ARHGEF38: variants seen among roughly 807,000 people sequenced by gnomAD.
The protein encoded by ARHGEF38 is Rho guanine nucleotide exchange factor 38, also known as Rho guanine nucleotide exchange factor (GEF) 38.
In ARHGEF38, 79 loss-of-function variants were observed where a neutral mutation model predicts 79.9. That is an observed-to-expected ratio of 0.99 (90% CI 0.82 to 1.19). ARHGEF38 has a LOEUF of 1.19. Ranked by LOEUF, ARHGEF38 falls within the 50% of genes most tolerant of loss-of-function variation. ARHGEF38 has a pLI of 0.00. For missense variants in ARHGEF38, 962 were observed against 907.2 expected (o/e 1.06, Z -0.78); for synonymous variants, 366 against 328.3 (o/e 1.11, Z -1.24).
chr4:105,682,226 G>T (rs1302473841), downstream of ARHGEF38, among the ~76,000 whole-genome samples: 3 of 152,142 alleles, frequency 2.0e-5, no homozygotes, highest in African/African-American at 7.2e-5. Context: ...AAAATCCATT[G>T]ATATGAGAAA....
chr4:105,635,898 A>G (rs1465249267), intron 4 of ARHGEF38, among the ~76,000 whole-genome samples: 2 of 152,110 alleles, frequency 1.3e-5, no homozygotes, highest in Non-Finnish European at 2.9e-5. Context: ...TCACTCATAT[A>G]GCATGTCTGG....
In ARHGEF38 at chr4:105,631,224, T is replaced by C. The variant is rs376484696; in HGVS notation, c.656+179T>C. On this transcript the variant is annotated intron_variant, in intron 4 of 13. Transcript: ENST00000420470. ...TGCCAGAAGCCCTGATTGACTTTTT[T>C]TCCCCCTGCGAGAATGACTAAAAAT... 315 of 1,253,000 alleles carry C rather than the reference T, an allele frequency of 2.5e-4. 1 individual carries two copies. The highest frequency in any genetic ancestry group is 6.8e-5 in the Non-Finnish European group (68 of 999,970). 77.6% of individuals were successfully genotyped at this position (1,253,000 alleles called of 1,614,324 possible).
At chr4:105,672,726 T>G (rs181594232) in intron 13 of ARHGEF38, among the ~76,000 whole-genome samples, 1 of 152,324 alleles carries the variant, frequency 6.6e-6, no homozygotes, top group African/African-American at 2.4e-5. Flanking sequence ...AGCTGCAATC[T>G]AGCTGTTTGC....
At chr4:105,605,314 G>A (rs998689882) in intron 2 of ARHGEF38, among the ~76,000 whole-genome samples, 1 of 152,098 alleles carries the variant, frequency 6.6e-6, no homozygotes, top group African/African-American at 2.4e-5. Context: ...TTCCAGGGCT[G>A]TTGGACTTCT....
chr4:105,557,177 T>A (rs1725290115), intron 1 of ARHGEF38, among the ~76,000 whole-genome samples: 1 of 152,134 alleles, frequency 6.6e-6, no homozygotes, highest in South Asian at 2.1e-4. Flanking sequence ...ATTTAAATAG[T>A]TATACAGAAC....
rs182820372 is a variant in ARHGEF38, at chr4:105,642,555, T to G, written c.675-2633T>G. On this transcript the variant is annotated intron_variant, in intron 5 of 13. Coordinates refer to ENST00000420470, the MANE Select transcript of ARHGEF38 (RefSeq NM_001242729.2). ...AGAAATGAGAGCAGTTCTTAACATT[T>G]AAAGTTAAAGTTCTTAACATTTTAC... Among the ~76,000 whole-genome samples, 224 of 152,276 alleles carry G rather than the reference T, an allele frequency of 1.5e-3. 1 individual carries two copies. Among genetic ancestry groups the G allele is most frequent in the Non-Finnish European group, 2.8e-3 (191 of 67,994 alleles).
rs78898894 is a variant in ARHGEF38 at position 105,613,795 on chromosome 4, G to A, written c.508+288G>A. Among the ~76,000 whole-genome samples the A allele has an allele frequency of 7.5e-3, 1,142 of 151,646 alleles. 18 individuals are homozygous for A. The highest frequency in any genetic ancestry group is 0.027 in the African/African-American group (1,102 of 41,306). Reference sequence around the variant, plus strand: ...AGATGTTCTGTAATTTTTTTTAATGGCTAACACTTACTTGATCCTTAAAGA... The same window carrying A: ...AGATGTTCTGTAATTTTTTTTAATGACTAACACTTACTTGATCCTTAAAGA... On this transcript the variant is annotated intron_variant, in intron 3 of 13. Transcript: ENST00000420470.
intron 1 of ARHGEF38, among the ~76,000 whole-genome samples, chr4:105,576,627 T>G (rs1012077702): frequency 6.6e-6 from 1 of 152,136 alleles, no homozygotes; most frequent in African/African-American, 2.4e-5. Flanking sequence ...AGCAGTGAAG[T>G]TTGACTTTCT....
Position 105,680,747 on chromosome 4 carries a change from CAGTG to C in ARHGEF38, c.*2812_*2815del, listed in dbSNP as rs1202356700. ...CATTATCTATACAAAGAGCCATACT[CAGTG>C]AAAGATAAATTACCTCCTAAACTAA... On this transcript the variant is annotated 3_prime_UTR_variant, in exon 14 of 14. Coordinates refer to ENST00000420470, the MANE Select transcript of ARHGEF38 (RefSeq NM_001242729.2). 6.6e-6 allele frequency: 1 copy of C among 150,970 alleles called. No individual in the cohort carries two copies. Among genetic ancestry groups the C allele is most frequent in the African/African-American group, 2.5e-5 (1 of 40,582 alleles). 9.4% of individuals were successfully genotyped at this position (150,970 alleles called of 1,614,324 possible). A position where few individuals can be genotyped will look rare whatever the true frequency, so the allele number is the denominator to read the frequency against.
At chr4:105,635,999 C>A (rs1281380114) in intron 4 of ARHGEF38, among the ~76,000 whole-genome samples, 1 of 151,918 alleles carries the variant, frequency 6.6e-6, no homozygotes, top group Non-Finnish European at 1.5e-5. Context: ...TTATTAAATC[C>A]ATTAAATTTT....
chr4:105,604,235 T>C (rs1299644736), intron 2 of ARHGEF38, among the ~76,000 whole-genome samples: 1 of 152,158 alleles, frequency 6.6e-6, no homozygotes, highest in East Asian at 1.9e-4. Flanking sequence ...GATGTCATGA[T>C]CAAGTGACAT....
intron 2 of ARHGEF38, among the ~76,000 whole-genome samples, chr4:105,590,665 A>G (rs943299003): frequency 2.0e-5 from 3 of 152,204 alleles, no homozygotes; most frequent in African/African-American, 7.2e-5. Context: ...ATAAATTCCT[A>G]GAAATTAATT....
chr4:105,560,773 C>G (rs968255580), intron 1 of ARHGEF38, among the ~76,000 whole-genome samples: 1 of 152,174 alleles, frequency 6.6e-6, no homozygotes, highest in Admixed American at 6.5e-5. Flanking sequence ...CATCTAGCTA[C>G]TACTCTAAGT....
chr4:105,569,387 C>A (rs556323502), intron 1 of ARHGEF38, among the ~76,000 whole-genome samples: 1 of 152,268 alleles, frequency 6.6e-6, no homozygotes, highest in African/African-American at 2.4e-5. Flanking sequence ...GCTGTTTTTG[C>A]TTTTTCCAGC....
chr4:105,660,421 G>C lies in ARHGEF38; in HGVS notation c.1545+1056G>C, dbSNP rs867551037. The stretch of plus-strand genomic sequence containing the variant: ...GAATGCATCTATAATAGTACATAAA[G>C]AGCTTCCTCATTCTTTTTTTTTTTT... On this transcript the variant is annotated intron_variant, in intron 10 of 13. Coordinates refer to ENST00000420470, the MANE Select transcript of ARHGEF38 (RefSeq NM_001242729.2). Among the ~76,000 whole-genome samples, 118 of 151,386 alleles carry C rather than the reference G, an allele frequency of 7.8e-4. 2 individuals carry two copies. The highest frequency in any genetic ancestry group is 2.6e-4 in the Admixed American group (4 of 15,186).
intron 13 of ARHGEF38, among the ~76,000 whole-genome samples, chr4:105,668,120 C>G (rs1730820755): frequency 6.6e-6 from 1 of 152,040 alleles, no homozygotes; most frequent in South Asian, 2.1e-4. Flanking sequence ...ATTGAGCTAT[C>G]TAGTAATTGG....
intron 1 of ARHGEF38, among the ~76,000 whole-genome samples, chr4:105,585,942 G>A (rs111776615): frequency 0.13 from 19,841 of 151,596 alleles, 1,354 homozygotes; most frequent in Middle Eastern, 0.17. Context: ...TGTTGGTCAG[G>A]CCGGTATGAA....
chr4:105,626,587 T>C (rs1171637790), intron 3 of ARHGEF38, among the ~76,000 whole-genome samples: 1 of 152,174 alleles, frequency 6.6e-6, no homozygotes, highest in Non-Finnish European at 1.5e-5. Flanking sequence ...CTGCAATAAC[T>C]TTCTGTTTTA....
intron 1 of ARHGEF38, among the ~76,000 whole-genome samples, chr4:105,582,788 CTCTT>C (rs1726859561): frequency 6.6e-6 from 1 of 152,168 alleles, no homozygotes; most frequent in Admixed American, 6.5e-5. Context: ...CTACCTTCAA[CTCTT>C]TCACTTTTTG....
Sources: allele counts gnomAD v4.1 joint callset (sites outside exome capture counted in the v4.1 genomes callset), GRCh38; gene constraint gnomAD v4.1.1; transcripts MANE v1.5; gene names NCBI Gene and HGNC (gene_info 2026-07-23, HGNC 2026-07-21).